The following C12orf54 variants were observed in gnomAD, a reference collection of about 807,000 sequenced individuals.
The protein encoded by C12orf54 is chromosome 12 open reading frame 54.
A neutral mutation model predicts 26.4 loss-of-function variants in C12orf54; 24 were observed. The observed-to-expected ratio is 0.91, with a 90% CI of 0.66 to 1.28. The LOEUF is 1.28. Among genes scored for constraint, C12orf54 ranks in the 50% most tolerant of loss-of-function variants. C12orf54 has a pLI of 0.00. For synonymous variants in C12orf54, 54 were observed against 47.0 expected (o/e 1.15, Z -0.61); for missense variants, 154 against 150.9 (o/e 1.02, Z -0.11).
the C12orf54 span, among the ~76,000 whole-genome samples, chr12:48,432,488 C>T: frequency 6.6e-6 from 1 of 150,498 alleles, no homozygotes; most frequent in South Asian, 2.1e-4. Context: ...AATGCTGAAA[C>T]ATGAGAAGCT....
chr12:48,473,962 T>C, the C12orf54 span, among the ~76,000 whole-genome samples: 194 of 152,276 alleles, frequency 1.3e-3, no homozygotes, highest in African/African-American at 4.2e-3. Context: ...CTCTCATCCC[T>C]TTTCCCCCTT....
upstream of C12orf54, among the ~76,000 whole-genome samples, chr12:48,480,421 T>C (rs887775274): frequency 6.6e-6 from 1 of 152,064 alleles, no homozygotes; most frequent in Non-Finnish European, 1.5e-5. Flanking sequence ...ATCTGTTTAC[T>C]CTGTTGAGAA....
At chr12:48,424,613 G>A in the C12orf54 span, among the ~76,000 whole-genome samples, 2,151 of 152,178 alleles carry the variant, frequency 0.014, 55 homozygotes, top group African/African-American at 0.048. Context: ...TGGGAATACA[G>A]AATAGTACAG....
intron 6 of C12orf54, among the ~76,000 whole-genome samples, chr12:48,491,103 A>G (rs892854286): frequency 9.2e-5 from 14 of 152,162 alleles, no homozygotes; most frequent in African/African-American, 3.4e-4. Flanking sequence ...GTCCAGCTCA[A>G]TTGCCTCGTG....
chr12:48,477,295 G>A, the C12orf54 span, among the ~76,000 whole-genome samples: 2 of 152,130 alleles, frequency 1.3e-5, no homozygotes, highest in African/African-American at 2.4e-5. Flanking sequence ...GAGAAAGCAG[G>A]AAAGATCTAA....
At chr12:48,414,955 C>A in the C12orf54 span, among the ~76,000 whole-genome samples, 2 of 152,196 alleles carry the variant, frequency 1.3e-5, no homozygotes, top group African/African-American at 4.8e-5. Context: ...CTTCTAGAAT[C>A]ATAGGAGTCT....
chr12:48,455,478 G>T, the C12orf54 span, among the ~76,000 whole-genome samples: 1 of 152,200 alleles, frequency 6.6e-6, no homozygotes, highest in Non-Finnish European at 1.5e-5. Context: ...CCAAACCCAT[G>T]GCTTGGGATG....
chr12:48,447,669 C>T, the C12orf54 span, among the ~76,000 whole-genome samples: 1 of 152,094 alleles, frequency 6.6e-6, no homozygotes, highest in Non-Finnish European at 1.5e-5. Flanking sequence ...TTCTGCTACC[C>T]GTGGTAGCAG....
intron 7 of C12orf54, among the ~76,000 whole-genome samples, chr12:48,494,240 A>G (rs1937862694): frequency 6.6e-6 from 1 of 151,948 alleles, no homozygotes; most frequent in East Asian, 1.9e-4. Context: ...TTAATTTGAC[A>G]TGCTATGGTT....
the C12orf54 span, chr12:48,443,069 C>T: frequency 2.6e-5 from 4 of 152,338 alleles, no homozygotes; most frequent in African/African-American, 9.6e-5. Flanking sequence ...CTTACCTAAA[C>T]ATTCATATGC....
chr12:48,451,691 CCAA>C, the C12orf54 span, among the ~76,000 whole-genome samples: 1 of 152,166 alleles, frequency 6.6e-6, no homozygotes, highest in Non-Finnish European at 1.5e-5. Context: ...TTCCTATACA[CCAA>C]CAACAGGCAA....
the C12orf54 span, among the ~76,000 whole-genome samples, chr12:48,464,258 T>C: frequency 1.3e-5 from 2 of 152,118 alleles, no homozygotes; most frequent in East Asian, 3.9e-4. Flanking sequence ...CAAAAATCAG[T>C]AGCATTTCTA....
intron 4 of C12orf54, chr12:48,487,695 A>C (rs150917169): frequency 0.024 from 4,522 of 188,916 alleles, 80 homozygotes; most frequent in Non-Finnish European, 0.034. Context: ...TCATTGGCAC[A>C]CTCTACCCCT....
the C12orf54 span, among the ~76,000 whole-genome samples, chr12:48,422,091 C>T: frequency 6.6e-6 from 1 of 151,912 alleles, no homozygotes; most frequent in Non-Finnish European, 1.5e-5. Flanking sequence ...AGATTTAAAA[C>T]AGTAAATGTT....
At chr12:48,490,932 G>T in intron 6 of C12orf54, 96 bp downstream of exon 6, 1 of 1,460,016 alleles carries the variant, frequency 6.8e-7, no homozygotes, top group Non-Finnish European at 9.6e-7. Context: ...AAAAGAAAAT[G>T]GAGATAAGAA....
the C12orf54 span, among the ~76,000 whole-genome samples, chr12:48,444,996 C>T: frequency 6.6e-6 from 1 of 152,064 alleles, no homozygotes; most frequent in Non-Finnish European, 1.5e-5. Flanking sequence ...CACAGTGAAA[C>T]CCTGGCTCTA....
chr12:48,449,203 A>G, the C12orf54 span, among the ~76,000 whole-genome samples: 1 of 152,200 alleles, frequency 6.6e-6, no homozygotes, highest in South Asian at 2.1e-4. Flanking sequence ...AAAATATGCT[A>G]GACTCTCAGT....
Position 48,493,730 on chromosome 12 carries a change from C to T in C12orf54, c.242+735C>T, listed in dbSNP as rs539945787. On this transcript the variant is annotated intron_variant, in intron 7 of 8. Transcript: ENST00000548364. ...AGAAAATTAACAAAAGTTAAAATGCCCTAATATTGAGAAATGTCACTTTCT... is the reference window on the plus strand; with the variant it reads ...AGAAAATTAACAAAAGTTAAAATGCTCTAATATTGAGAAATGTCACTTTCT... 1.8e-3 allele frequency among the ~76,000 whole-genome samples: 152 copies of T among 86,172 alleles called. No individual in the cohort carries two copies. In the Middle Eastern group the frequency reaches 0.034, roughly 19 times the overall value. The allele number at this position is 86,172 out of a possible 152,430, so 56.5% of individuals were successfully genotyped here.
At chr12:48,486,355 A>G (rs1954264626) in intron 3 of C12orf54, 147 bp downstream of exon 3, 6 of 762,392 alleles carry the variant, frequency 7.9e-6, no homozygotes, top group African/African-American at 1.8e-5. Context: ...GGAGTGGGTC[A>G]TTGTCTACCA....
Sources: allele counts gnomAD v4.1 joint callset (sites outside exome capture counted in the v4.1 genomes callset), GRCh38; gene constraint gnomAD v4.1.1; transcripts MANE v1.5; gene names NCBI Gene and HGNC (gene_info 2026-07-23, HGNC 2026-07-21).